The following CTDSP2 variants were observed in gnomAD, a reference collection of about 807,000 sequenced individuals.
CTDSP2 encodes CTD small phosphatase 2, also known as carboxy-terminal domain RNA polymerase II polypeptide A small phosphatase 2.
CTDSP2 carries 9 observed loss-of-function variants against 31.6 expected under a neutral mutation model. The observed-to-expected ratio is 0.28, with a 90% CI of 0.17 to 0.50. The LOEUF (loss-of-function observed/expected upper bound fraction) is 0.50. Among genes scored for constraint, CTDSP2 ranks in the 20% least tolerant of loss-of-function variants. The probability of loss-of-function intolerance (pLI) is 0.98; values close to 1 mark genes in which losing one functional copy is unlikely to be tolerated. For missense variants in CTDSP2, 267 were observed against 348.5 expected (o/e 0.77, Z 1.86); for synonymous variants, 134 against 134.5 (o/e 1.00, Z 0.03).
chr12:57,835,129 A>G (rs1956239678), intron 1 of CTDSP2, among the ~76,000 whole-genome samples: 1 of 151,444 alleles, frequency 6.6e-6, no homozygotes, highest in African/African-American at 2.4e-5. Context: ...ATCTCAAAAA[A>G]AAAAAAAAAG....
chr12:57,829,692 C>CT, intron 1 of CTDSP2, 96 bp from the exon 2 acceptor site: 3 of 1,101,336 alleles, frequency 2.7e-6, no homozygotes, highest in Non-Finnish European at 4.1e-6. Flanking sequence ...TTTGTAAACT[C>CT]TACTAGGGCA....
chr12:57,827,147 G>A (rs1402264517), intron 3 of CTDSP2, 50 bp from the exon 4 acceptor site: 7 of 1,316,870 alleles, frequency 5.3e-6, no homozygotes, highest in Non-Finnish European at 7.6e-6. Context: ...AAGCCCAATT[G>A]TACCCCTTGG....
chr12:57,840,293 A>G (rs939260265), intron 1 of CTDSP2, among the ~76,000 whole-genome samples: 2 of 152,198 alleles, frequency 1.3e-5, no homozygotes, highest in African/African-American at 4.8e-5. Context: ...GCCAGTATCT[A>G]CCGGTTGCCA....
chr12:57,827,515 C>T (rs1956190235), intron 3 of CTDSP2, 37 bp downstream of exon 3: 1 of 1,611,990 alleles, frequency 6.2e-7, no homozygotes, highest in Non-Finnish European at 8.5e-7. Flanking sequence ...TCACAGGATC[C>T]TGGCTTCTGA....
At chr12:57,825,651 T>C (rs760158482) in intron 5 of CTDSP2, among the ~76,000 whole-genome samples, 8 of 152,202 alleles carry the variant, frequency 5.3e-5, no homozygotes, top group Non-Finnish European at 1.2e-4. Context: ...TCACTAGCAG[T>C]GTCACATGAT....
chr12:57,841,862 T>C (rs1409892273), intron 1 of CTDSP2, among the ~76,000 whole-genome samples: 1 of 152,192 alleles, frequency 6.6e-6, no homozygotes, highest in African/African-American at 2.4e-5. Context: ...CCAAGTATAA[T>C]AGAAGGGTAG....
intron 1 of CTDSP2, among the ~76,000 whole-genome samples, chr12:57,835,489 A>G (rs1956242369): frequency 1.3e-5 from 2 of 152,172 alleles, no homozygotes; most frequent in Non-Finnish European, 2.9e-5. Context: ...TGGTTTCCCC[A>G]ACCAGGGAGG....
In CTDSP2 at chr12:57,846,689, A is replaced by C; in HGVS notation, c.-254T>G. The C allele has an allele frequency of 2.4e-6, 1 of 416,796 alleles. No homozygotes were observed. The highest frequency in any genetic ancestry group is 4.2e-6 in the Non-Finnish European group (1 of 236,914). 25.8% of individuals were successfully genotyped at this position (416,796 alleles called of 1,614,324 possible). The stretch of plus-strand genomic sequence containing the variant: ...CCCCAGCGGCAGCTCCGGGCTCCTC[A>C]GTTTGGGTCCAACATGGAGAATCCG... On this transcript the variant is annotated 5_prime_UTR_variant, in exon 1 of 8. The change abolishes the stop of an existing upstream ORF in the 5' untranslated region. Coordinates refer to ENST00000398073, the MANE Select transcript of CTDSP2 (RefSeq NM_005730.4).
chr12:57,845,791 C>T (rs902287203), intron 1 of CTDSP2, among the ~76,000 whole-genome samples: 7 of 152,110 alleles, frequency 4.6e-5, no homozygotes, highest in African/African-American at 1.7e-4. Context: ...CCCGCCACGT[C>T]TGGTGCGCCA....
intron 2 of CTDSP2, 150 bp from the exon 3 acceptor site, chr12:57,827,740 A>C: frequency 1.4e-6 from 1 of 718,912 alleles, no homozygotes; most frequent in Non-Finnish European, 2.4e-6. Context: ...GACTTTTCCT[A>C]GGAGTGGGGC....
chr12:57,835,629 C>T (rs894325666), intron 1 of CTDSP2, among the ~76,000 whole-genome samples: 3 of 152,202 alleles, frequency 2.0e-5, no homozygotes, highest in African/African-American at 7.2e-5. Context: ...TTTCTCTGCC[C>T]CAAACATTTG....
intron 1 of CTDSP2, among the ~76,000 whole-genome samples, chr12:57,831,589 T>C (rs1956216199): frequency 6.6e-6 from 1 of 152,246 alleles, no homozygotes; most frequent in African/African-American, 2.4e-5. Flanking sequence ...AGAATGGTCC[T>C]TGGTCCCAGT....
At chr12:57,826,928 C>T in intron 4 of CTDSP2, 68 bp downstream of exon 4, 2 of 1,224,388 alleles carry the variant, frequency 1.6e-6, no homozygotes, top group Non-Finnish European at 2.4e-6. Flanking sequence ...GGCTGCCTTA[C>T]ACATCTGTTG....
Position 57,821,179 on chromosome 12 carries a change from A to G in CTDSP2, c.*2423T>C, listed in dbSNP as rs1361736666. 1 of 152,270 alleles carries G rather than the reference A, an allele frequency of 6.6e-6. No individual in the cohort carries two copies. Among genetic ancestry groups the G allele is most frequent in the Non-Finnish European group, 1.5e-5 (1 of 68,074 alleles). 9.4% of individuals were successfully genotyped at this position (152,270 alleles called of 1,614,324 possible). Reference sequence around the variant, plus strand: ...ATAATGACTAGGCTGGCTCTGGTCCACAAGAACAGACCCTGGCTAGGTTTG... The same window carrying G: ...ATAATGACTAGGCTGGCTCTGGTCCGCAAGAACAGACCCTGGCTAGGTTTG... On this transcript the variant is annotated 3_prime_UTR_variant, in exon 8 of 8. Transcript: ENST00000398073.
At chr12:57,824,420 C>T (rs1956169716) in intron 5 of CTDSP2, 101 bp from the exon 6 acceptor site, 1 of 895,944 alleles carries the variant, frequency 1.1e-6, no homozygotes, top group East Asian at 2.6e-5. Flanking sequence ...GCTCTCAACC[C>T]CTGCAGCCCA....
At chr12:57,827,691 C>A (rs1956191710) in intron 2 of CTDSP2, 101 bp from the exon 3 acceptor site, 4 of 1,146,888 alleles carry the variant, frequency 3.5e-6, no homozygotes, top group African/African-American at 1.5e-5. Flanking sequence ...CTTTCTCCCC[C>A]AGACCCAGCC....
At chr12:57,841,088 A>G (rs1360566733) in intron 1 of CTDSP2, among the ~76,000 whole-genome samples, 2 of 152,168 alleles carry the variant, frequency 1.3e-5, no homozygotes, top group Non-Finnish European at 2.9e-5. Flanking sequence ...TTGCGTGTTA[A>G]TGTGCTCATC....
In CTDSP2 at chr12:57,846,394, G is replaced by A. The variant is rs112505351; in HGVS notation, c.42C>T (p.Asp14=). The change falls in exon 1 of 8, where the codon GAC becomes GAT. Residue 14 remains aspartate, a synonymous_variant. Transcript: ENST00000398073. ...TACCTTGCTTGGTGAGCACCAGGGCGTCTTCCCTCCGCGCCTGGGTGATGA... is the reference window on the plus strand; with the variant it reads ...TACCTTGCTTGGTGAGCACCAGGGCATCTTCCCTCCGCGCCTGGGTGATGA... ...GSIITQARRE[D]ALVLTKQGLV... is the part of the protein sequence containing the mutation. The A allele has an allele frequency of 1.9e-6, 3 of 1,608,440 alleles. No homozygotes were observed. The South Asian group carries it at 3.3e-5, about 18-fold the overall frequency.
Position 57,821,990 on chromosome 12 carries a change from A to G in CTDSP2, c.*1612T>C, listed in dbSNP as rs1397804244. The G allele has an allele frequency of 6.6e-6, 1 of 152,246 alleles. No homozygotes were observed. The highest frequency in any genetic ancestry group is 1.5e-5 in the Non-Finnish European group (1 of 68,080). 9.4% of individuals were successfully genotyped at this position (152,246 alleles called of 1,614,324 possible). A position where few individuals can be genotyped will look rare whatever the true frequency, so the allele number is the denominator to read the frequency against. On this transcript the variant is annotated 3_prime_UTR_variant, in exon 8 of 8. Transcript: ENST00000398073. ...CTAGGGTGTGGCAATGGAAGGGATG[A>G]TGGGGAAGAGTCCTGAGTGGGTGGT...
Sources: allele counts gnomAD v4.1 joint callset (sites outside exome capture counted in the v4.1 genomes callset), GRCh38; gene constraint gnomAD v4.1.1; transcripts MANE v1.5; gene names NCBI Gene and HGNC (gene_info 2026-07-23, HGNC 2026-07-21).